Variants in FAM117B observed in about 807,000 individuals in gnomAD.
FAM117B encodes the protein family with sequence similarity 117 member B.
FAM117B carries 22 observed loss-of-function variants against 52.8 expected under a neutral mutation model. That is an observed-to-expected ratio of 0.42 (90% CI 0.30 to 0.59). The LOEUF is 0.59. Among genes scored for constraint, FAM117B ranks in the 20% least tolerant of loss-of-function variants. The pLI, the probability that FAM117B is intolerant of heterozygous loss-of-function variation, is 0.22. For synonymous variants in FAM117B, 309 were observed against 324.1 expected (o/e 0.95, Z 0.50); for missense variants, 678 against 802.6 (o/e 0.84, Z 1.88).
chr2:202,742,336 G>GTACAT (rs1468663683), intron 4 of FAM117B, among the ~76,000 whole-genome samples: 4 of 152,156 alleles, frequency 2.6e-5, no homozygotes, highest in Non-Finnish European at 4.4e-5. Flanking sequence ...TGTGCTACTG[G>GTACAT]TACATGAATT....
intron 4 of FAM117B, among the ~76,000 whole-genome samples, chr2:202,752,820 ATAGT>A (rs1169160963): frequency 1.3e-5 from 2 of 152,192 alleles, no homozygotes; most frequent in Admixed American, 1.3e-4. Context: ...ATGTAACCAG[ATAGT>A]TCTTTCCAAA....
chr2:202,761,444 G>A (rs1264730199), intron 7 of FAM117B, among the ~76,000 whole-genome samples: 4 of 152,058 alleles, frequency 2.6e-5, no homozygotes, highest in Admixed American at 6.5e-5. Flanking sequence ...GACCAGAGAG[G>A]TGTGTGTGTG....
At chr2:202,641,787 T>C (rs1689773350) in intron 1 of FAM117B, among the ~76,000 whole-genome samples, 1 of 150,724 alleles carries the variant, frequency 6.6e-6, no homozygotes. Flanking sequence ...TACAGGCGCC[T>C]GCCACCACGC....
Position 202,695,908 on chromosome 2 carries a change from G to T in FAM117B, c.629G>T (p.Ser210Ile). Reference protein sequence around the residue: ...AGDKTRQPSSSPSSIIRRTSS... With the variant: ...AGDKTRQPSSIPSSIIRRTSS... ...GACAAAACACGACAGCCTTCTTCAA[G>T]CCCCTCCAGTATTATCCGACGCACT... The change falls in exon 2 of 8, where the codon AGC (serine) becomes ATC (isoleucine). Residue 210 changes from serine (S) to isoleucine (I), a missense_variant. Physicochemically the swap from Ser to Ile is moderately radical, Grantham distance 142. Around this residue, in one of 3 missense-constraint regions of FAM117B, gnomAD observed 583 missense variants for 644.8 expected, o/e 0.90. Transcript: ENST00000392238. The T allele has an allele frequency of 1.2e-6, 2 of 1,609,744 alleles. No individual in the cohort carries two copies. Among genetic ancestry groups the T allele is most frequent in the Non-Finnish European group, 1.7e-6 (2 of 1,177,808 alleles).
intron 2 of FAM117B, among the ~76,000 whole-genome samples, chr2:202,723,662 C>T (rs539908810): frequency 1.3e-5 from 2 of 152,104 alleles, no homozygotes; most frequent in African/African-American, 4.8e-5. Context: ...TTTAGCCAAA[C>T]CTAAATAAAT....
intron 7 of FAM117B, among the ~76,000 whole-genome samples, chr2:202,763,105 T>C (rs1276041374): frequency 7.2e-6 from 1 of 138,604 alleles, no homozygotes; most frequent in Non-Finnish European, 1.5e-5. Context: ...AGAGTCTCAC[T>C]CTGTCGCCCA....
chr2:202,699,369 G>A (rs10190709), intron 2 of FAM117B, among the ~76,000 whole-genome samples: 11,536 of 139,208 alleles, frequency 0.083, 1,569 homozygotes, highest in African/African-American at 0.29. Context: ...GGAGGTTGCT[G>A]TGAGCCGAGA....
Position 202,694,334 on chromosome 2 carries a change from G to A in FAM117B, c.602-1547G>A, listed in dbSNP as rs529152143. Among the ~76,000 whole-genome samples, 231 of 151,730 alleles carry A rather than the reference G, an allele frequency of 1.5e-3. 1 individual carries two copies. The highest frequency in any genetic ancestry group is 2.5e-3 in the Admixed American group (38 of 15,212). On this transcript the variant is annotated intron_variant, in intron 1 of 7. Coordinates refer to ENST00000392238, the MANE Select transcript of FAM117B (RefSeq NM_173511.4). The stretch of plus-strand genomic sequence containing the variant: ...GCCTCCTCGGTAGCTGGGATTACAG[G>A]CGCCCGCCACCACACCTGGCTAATT...
intron 1 of FAM117B, among the ~76,000 whole-genome samples, chr2:202,676,266 A>C (rs1488013272): frequency 2.0e-5 from 3 of 152,040 alleles, no homozygotes; most frequent in Non-Finnish European, 4.4e-5. Flanking sequence ...CTGCAGCCCC[A>C]GCTGATACCT....
chr2:202,697,359 G>T (rs1043435937), intron 2 of FAM117B, among the ~76,000 whole-genome samples: 11 of 152,128 alleles, frequency 7.2e-5, no homozygotes, highest in African/African-American at 2.7e-4. Flanking sequence ...AATGGCCCAA[G>T]GAATATTTGC....
At chr2:202,711,789 A>G (rs1348603197) in intron 2 of FAM117B, among the ~76,000 whole-genome samples, 1 of 152,152 alleles carries the variant, frequency 6.6e-6, no homozygotes, top group Non-Finnish European at 1.5e-5. Flanking sequence ...AGCACCGTTT[A>G]TTGAACAGAC....
rs1272640300 is a variant in FAM117B, at chr2:202,769,432, G to A, written c.*3668G>A. The stretch of plus-strand genomic sequence containing the variant: ...TGCTGAATTTGCAAAATAAAGCTAA[G>A]AATGCTTAACTCTGCACTTTAAGTT... On this transcript the variant is annotated 3_prime_UTR_variant, in exon 8 of 8. Coordinates refer to ENST00000392238, the MANE Select transcript of FAM117B (RefSeq NM_173511.4). 1.3e-5 allele frequency: 2 copies of A among 152,646 alleles called. No homozygotes were observed. The highest frequency in any genetic ancestry group is 2.4e-5 in the African/African-American group (1 of 41,454). The allele number at this position is 152,646 out of a possible 1,614,324, so 9.5% of individuals were successfully genotyped here.
chr2:202,652,256 G>T (rs1689968449), intron 1 of FAM117B, among the ~76,000 whole-genome samples: 1 of 151,902 alleles, frequency 6.6e-6, no homozygotes, highest in African/African-American at 2.4e-5. Context: ...ATGCCACCTT[G>T]CCAGGCTAAT....
At chr2:202,640,722 G>T (rs1472900619) in intron 1 of FAM117B, among the ~76,000 whole-genome samples, 1 of 151,518 alleles carries the variant, frequency 6.6e-6, no homozygotes, top group Non-Finnish European at 1.5e-5. Context: ...TAATTCTCCC[G>T]CCTTAGCTTC....
intron 1 of FAM117B, among the ~76,000 whole-genome samples, chr2:202,644,512 A>G (rs1042541297): frequency 2.0e-5 from 3 of 152,188 alleles, no homozygotes; most frequent in African/African-American, 4.8e-5. Context: ...TGGCACAGCT[A>G]TTAGAACCGG....
chr2:202,712,419 C>CTTTTTTTTTT (rs1186703318), intron 2 of FAM117B, among the ~76,000 whole-genome samples: 9 of 89,446 alleles, frequency 1.0e-4, no homozygotes, highest in African/African-American at 1.8e-4. Flanking sequence ...TATCAGCTCT[C>CTTTTTTTTTT]TTTTTTTTTT....
At chr2:202,682,767 A>C (rs1257042623) in intron 1 of FAM117B, among the ~76,000 whole-genome samples, 2 of 152,226 alleles carry the variant, frequency 1.3e-5, no homozygotes, top group Non-Finnish European at 2.9e-5. Flanking sequence ...AAAAATCTCA[A>C]ATATTTTTGA....
intron 4 of FAM117B, among the ~76,000 whole-genome samples, chr2:202,747,749 C>G (rs1447338933): frequency 6.6e-6 from 1 of 151,762 alleles, no homozygotes; most frequent in Non-Finnish European, 1.5e-5. Flanking sequence ...ATAAATTTAA[C>G]CAAGGAAATG....
At chr2:202,635,896 C>T in intron 1 of FAM117B, 108 bp downstream of exon 1, 1 of 1,033,882 alleles carries the variant, frequency 9.7e-7, no homozygotes, top group Non-Finnish European at 1.2e-6. Context: ...GCCCGGGTGG[C>T]TGGGGGCGGG....
Sources: allele counts gnomAD v4.1 joint callset (sites outside exome capture counted in the v4.1 genomes callset), GRCh38; gene constraint gnomAD v4.1.1; regional missense constraint gnomAD v4.1.1; transcripts MANE v1.5; gene names NCBI Gene and HGNC (gene_info 2026-07-23, HGNC 2026-07-21).